The following SEC23IP variants were observed in gnomAD, a reference collection of about 807,000 sequenced individuals.
SEC23IP encodes the protein SEC23 interacting protein.
A neutral mutation model predicts 113.4 loss-of-function variants in SEC23IP; 70 were observed. The ratio of observed to expected loss-of-function variants is 0.62; its 90% CI spans 0.51 to 0.75. The LOEUF (loss-of-function observed/expected upper bound fraction) is 0.75. Among genes scored for constraint, SEC23IP ranks in the 30% least tolerant of loss-of-function variants. The pLI is 0.00. For synonymous variants in SEC23IP, 398 were observed against 421.0 expected (o/e 0.95, Z 0.67); for missense variants, 1,160 against 1,204.9 (o/e 0.96, Z 0.55).
At chr10:119,933,269 T>G in intron 17 of SEC23IP, 102 bp downstream of exon 17, 1 of 930,696 alleles carries the variant, frequency 1.1e-6, no homozygotes, top group East Asian at 2.4e-5. Flanking sequence ...CAATGTACTA[T>G]GAATATTCAT....
Position 119,898,646 on chromosome 10 carries a change from A to G in SEC23IP, c.383A>G (p.Asp128Gly). The G allele has an allele frequency of 1.9e-6, 3 of 1,614,190 alleles. No homozygotes were observed. Among genetic ancestry groups the G allele is most frequent in the South Asian group, 1.1e-5 (1 of 91,086 alleles). Residue 128 changes from aspartate to glycine, a missense_variant, in exon 2 of 19, where the codon GAT becomes GGT. Transcript: ENST00000369075. Reference protein sequence around the residue: ...TALPFTTGSQDVSNAFSPSIS... With the variant: ...TALPFTTGSQGVSNAFSPSIS... ...CTCCCTTTTACAACTGGATCCCAAG[A>G]TGTCTCGAATGCATTTTCACCATCC...
chr10:119,919,444 A>T lies in SEC23IP; in HGVS notation c.1873A>T (p.Met625Leu), dbSNP rs775712583. The T allele has an allele frequency of 1.3e-6, 2 of 1,580,076 alleles. No individual in the cohort carries two copies. Among genetic ancestry groups the T allele is most frequent in the East Asian group, 2.2e-5 (1 of 44,516 alleles). Residue 625 changes from methionine (M) to leucine (L), a missense_variant and splice_region_variant, in exon 11 of 19, where the codon ATG becomes TTG. By Grantham distance (15) the Met-to-Leu change is conservative. Coordinates refer to ENST00000369075, the MANE Select transcript of SEC23IP (RefSeq NM_007190.4). ...GTTTTTCATACTTTTTTTTTTAAAG[A>T]TGCCTGAAGAGCCAAAGCTGACTTT... ...VKQLHFQEKQ[M>L]PEEPKLTLDE...
chr10:119,916,026 A>G, intron 8 of SEC23IP, 137 bp downstream of exon 8: 1 of 674,928 alleles, frequency 1.5e-6, no homozygotes, highest in Non-Finnish European at 2.2e-6. Flanking sequence ...ATAATTAAAT[A>G]TTGGCTGTAA....
At chr10:119,896,706 C>G (rs2134448197) in intron 1 of SEC23IP, among the ~76,000 whole-genome samples, 1 of 151,414 alleles carries the variant, frequency 6.6e-6, no homozygotes, top group South Asian at 2.1e-4. Context: ...GTAGTTGATG[C>G]TAATCAGAAA....
intron 4 of SEC23IP, among the ~76,000 whole-genome samples, chr10:119,906,613 T>TC (rs1854675157): frequency 1.3e-5 from 2 of 152,030 alleles, no homozygotes; most frequent in South Asian, 4.1e-4. Flanking sequence ...GATCTCACTG[T>TC]CCCCCAGGGT....
At chr10:119,900,555 C>T (rs1032585228) in intron 2 of SEC23IP, among the ~76,000 whole-genome samples, 2 of 151,990 alleles carry the variant, frequency 1.3e-5, no homozygotes, top group African/African-American at 4.8e-5. Flanking sequence ...TCAAGCAGTC[C>T]TCCTGCCTTG....
Position 119,916,374 on chromosome 10 carries a change from T to C in SEC23IP, c.1544+485T>C, listed in dbSNP as rs1051790123. 4.6e-5 allele frequency among the ~76,000 whole-genome samples: 7 copies of C among 152,236 alleles called. No individual in the cohort carries two copies. In the South Asian group the frequency reaches 1.4e-3, roughly 31 times the overall value. On this transcript the variant is annotated intron_variant, in intron 8 of 18. Coordinates refer to ENST00000369075, the MANE Select transcript of SEC23IP (RefSeq NM_007190.4). ...CCTTAGTGTAAAGGCCACTCAGTAC[T>C]AGCAGTGCTCACCAGGCACTGTGAC...
At chr10:119,931,870 T>A (rs764279777) in intron 15 of SEC23IP, among the ~76,000 whole-genome samples, 5 of 151,992 alleles carry the variant, frequency 3.3e-5, no homozygotes, top group South Asian at 2.1e-4. Context: ...GTTTTTATGG[T>A]ATTTGAACTT....
In SEC23IP at chr10:119,916,153, A is replaced by AG. The variant is rs1403826373; in HGVS notation, c.1544+269dup. On this transcript the variant is annotated intron_variant, in intron 8 of 18. Transcript: ENST00000369075. ...AATTTTAATCTGTAGCAGTTTAGAC[A>AG]GGGGGCTGTCCTTTATGTAGTAGGA... 4.6e-5 allele frequency among the ~76,000 whole-genome samples: 7 copies of AG among 152,294 alleles called. No individual in the cohort carries two copies. The East Asian group carries it at 1.4e-3, about 29-fold the overall frequency.
At chr10:119,900,293 GTGTGTA>G (rs1589822170) in intron 2 of SEC23IP, among the ~76,000 whole-genome samples, 2 of 151,196 alleles carry the variant, frequency 1.3e-5, no homozygotes, top group East Asian at 1.9e-4. Context: ...GTGTGTGTGT[GTGTGTA>G]TATATATATA....
chr10:119,916,638 T>C (rs1431137111), intron 8 of SEC23IP, among the ~76,000 whole-genome samples: 1 of 152,180 alleles, frequency 6.6e-6, no homozygotes, highest in Non-Finnish European at 1.5e-5. Flanking sequence ...TTAGGGAAGA[T>C]TTTTCATTCC....
intron 10 of SEC23IP, 65 bp from the exon 11 acceptor site, chr10:119,919,379 A>C: frequency 7.1e-7 from 1 of 1,406,634 alleles, no homozygotes; most frequent in Non-Finnish European, 9.7e-7. Context: ...GTTTTCGTAG[A>C]TCAGCAGTCA....
chr10:119,906,237 G>A (rs928934720), intron 4 of SEC23IP, among the ~76,000 whole-genome samples: 6 of 148,156 alleles, frequency 4.0e-5, no homozygotes, highest in Admixed American at 6.8e-5. Context: ...AACTGTGATC[G>A]TGTCACAGCA....
At chr10:119,898,100 ATAAC>A (rs944748210) in intron 1 of SEC23IP, 6 of 173,864 alleles carry the variant, frequency 3.5e-5, no homozygotes, top group South Asian at 2.0e-4. Context: ...TACAAAATAA[ATAAC>A]TATTTGTATT....
At chr10:119,899,992 C>T (rs189473878) in intron 2 of SEC23IP, among the ~76,000 whole-genome samples, 5 of 151,796 alleles carry the variant, frequency 3.3e-5, no homozygotes, top group South Asian at 2.1e-4. Flanking sequence ...ATCCCTTTCT[C>T]CTGCCCCTTC....
chr10:119,917,049 T>G (rs1193124759), intron 8 of SEC23IP, among the ~76,000 whole-genome samples: 1 of 152,122 alleles, frequency 6.6e-6, no homozygotes, highest in Non-Finnish European at 1.5e-5. Context: ...TTAAATTTTC[T>G]GTAGAGATGG....
At chr10:119,929,523 C>G in intron 13 of SEC23IP, 84 bp from the exon 14 acceptor site, 1 of 1,211,132 alleles carries the variant, frequency 8.3e-7, no homozygotes, top group South Asian at 1.3e-5. Flanking sequence ...CATGAGCCAC[C>G]ACGCCCGGCC....
At chr10:119,923,765 T>G (rs1185678392) in intron 12 of SEC23IP, among the ~76,000 whole-genome samples, 1 of 152,164 alleles carries the variant, frequency 6.6e-6, no homozygotes, top group Non-Finnish European at 1.5e-5. Context: ...GTCAGGCTGG[T>G]CTCAATCTCC....
chr10:119,907,795 A>G (rs1854726779), intron 4 of SEC23IP, among the ~76,000 whole-genome samples: 1 of 152,150 alleles, frequency 6.6e-6, no homozygotes, highest in African/African-American at 2.4e-5. Context: ...TACTAAAAAT[A>G]GAAAAATTAG....
Sources: allele counts gnomAD v4.1 joint callset (sites outside exome capture counted in the v4.1 genomes callset), GRCh38; gene constraint gnomAD v4.1.1; transcripts MANE v1.5; gene names NCBI Gene and HGNC (gene_info 2026-07-23, HGNC 2026-07-21).